The following ACTR3C variants were observed in gnomAD, a reference collection of about 807,000 sequenced individuals.
ACTR3C encodes the protein actin-related protein 3C.
Under a neutral mutation model 26.3 loss-of-function variants are expected in ACTR3C, and 18 were observed. The ratio of observed to expected loss-of-function variants is 0.68; its 90% CI spans 0.47 to 1.01. The LOEUF is 1.01. ACTR3C is among the 50% of genes least tolerant of loss of function. ACTR3C has a pLI of 0.00. For synonymous variants in ACTR3C, 55 were observed against 94.5 expected (o/e 0.58, Z 2.42); for missense variants, 184 against 250.7 (o/e 0.73, Z 1.80).
the ACTR3C span, among the ~76,000 whole-genome samples, chr7:150,086,968 G>C: frequency 6.6e-6 from 1 of 152,102 alleles, no homozygotes; most frequent in African/African-American, 2.4e-5. Context: ...AAGAAAGTAG[G>C]CTCAAAATTA....
the ACTR3C span, among the ~76,000 whole-genome samples, chr7:150,033,561 G>A: frequency 3.3e-5 from 5 of 152,120 alleles, no homozygotes; most frequent in Non-Finnish European, 5.9e-5. Flanking sequence ...AGCCAGGGGT[G>A]GAAGAGGGGC....
At chr7:150,085,670 A>C in the ACTR3C span, among the ~76,000 whole-genome samples, 2 of 152,142 alleles carry the variant, frequency 1.3e-5, no homozygotes, top group African/African-American at 4.8e-5. Flanking sequence ...TGCCTGGATG[A>C]AAAATTGGAT....
At chr7:150,126,589 G>T in the ACTR3C span, among the ~76,000 whole-genome samples, 2 of 152,166 alleles carry the variant, frequency 1.3e-5, no homozygotes, top group Non-Finnish European at 2.9e-5. Flanking sequence ...TACTACAAAA[G>T]GTGCAAGTGG....
chr7:150,099,452 CTCCTGTGTT>C, the ACTR3C span, among the ~76,000 whole-genome samples: 1 of 151,318 alleles, frequency 6.6e-6, no homozygotes, highest in Non-Finnish European at 1.5e-5. Context: ...TCACAGTGTT[CTCCTGTGTT>C]TCCAGAATCT....
At chr7:150,228,895 T>G in the ACTR3C span, among the ~76,000 whole-genome samples, 1,149 of 135,388 alleles carry the variant, frequency 8.5e-3, 12 homozygotes, top group African/African-American at 0.035. Flanking sequence ...TGTATATATA[T>G]ATAGAGAGAG....
the ACTR3C span, among the ~76,000 whole-genome samples, chr7:150,047,265 G>A: frequency 2.0e-5 from 3 of 152,106 alleles, no homozygotes; most frequent in Non-Finnish European, 2.9e-5. Context: ...CAGGCCGATC[G>A]AATTCTCTCC....
the ACTR3C span, among the ~76,000 whole-genome samples, chr7:150,222,562 C>T: frequency 6.6e-6 from 1 of 152,170 alleles, no homozygotes; most frequent in Non-Finnish European, 1.5e-5. Flanking sequence ...TCTGTGATTA[C>T]TTGTGTATTT....
the ACTR3C span, among the ~76,000 whole-genome samples, chr7:149,944,264 GAAGTT>G: frequency 2.0e-5 from 3 of 152,002 alleles, no homozygotes; most frequent in African/African-American, 7.3e-5. Flanking sequence ...TGAGGGAACT[GAAGTT>G]AAGAGGTTTT....
At chr7:150,108,341 G>A in the ACTR3C span, among the ~76,000 whole-genome samples, 1 of 151,018 alleles carries the variant, frequency 6.6e-6, no homozygotes, top group African/African-American at 2.5e-5. Flanking sequence ...AAAATCAGAA[G>A]TCAGGAATAG....
the ACTR3C span, among the ~76,000 whole-genome samples, chr7:150,219,114 T>A: frequency 1.3e-5 from 2 of 149,450 alleles, no homozygotes; most frequent in African/African-American, 2.6e-5. Flanking sequence ...AAACAAGAAT[T>A]CCTTTATCTG....
rs771947597 is a variant in ACTR3C, at chr7:150,289,561, T to G, written c.186A>C (p.Lys62Asn). The change falls in exon 4 of 8, where the codon AAA (lysine) becomes AAC (asparagine). Residue 62 changes from lysine (K) to asparagine (N), a missense_variant. Physicochemically the swap from Lys to Asn is moderately conservative, Grantham distance 94. Transcript: ENST00000683684. ...TATCTCTACCTGCAATCGGGATGTG[T>G]TTGATGCAGCTTCCAATTACATAAC... is the stretch of plus-strand genomic sequence containing the variant. ...AEGYVIGSCI[K>N]HIPIAGRDIT... 1.9e-6 allele frequency: 3 copies of G among 1,596,428 alleles called. No homozygotes were observed. Among genetic ancestry groups the G allele is most frequent in the Non-Finnish European group, 1.7e-6 (2 of 1,170,406 alleles).
the ACTR3C span, among the ~76,000 whole-genome samples, chr7:149,995,216 G>C: frequency 6.6e-6 from 1 of 151,994 alleles, no homozygotes; most frequent in Non-Finnish European, 1.5e-5. Flanking sequence ...GGATTTTTTT[G>C]CCTGCATATT....
the ACTR3C span, among the ~76,000 whole-genome samples, chr7:149,929,487 TGAA>T: frequency 6.8e-6 from 1 of 146,760 alleles, no homozygotes; most frequent in Non-Finnish European, 1.5e-5. Flanking sequence ...GGGTGAAAGT[TGAA>T]GAATAGAGTA....
chr7:150,092,998 G>A, the ACTR3C span, among the ~76,000 whole-genome samples: 1 of 151,552 alleles, frequency 6.6e-6, no homozygotes. Context: ...TTGAGATGTA[G>A]GGAGCGTTGG....
downstream of ACTR3C, chr7:150,245,522 A>T (rs922153770): frequency 6.6e-6 from 1 of 152,160 alleles, no homozygotes; most frequent in Non-Finnish European, 1.5e-5. Context: ...CATGGAGGGG[A>T]TTTTCATCTC....
chr7:150,098,815 G>A, the ACTR3C span, among the ~76,000 whole-genome samples: 7 of 151,800 alleles, frequency 4.6e-5, no homozygotes, highest in Admixed American at 1.3e-4. Flanking sequence ...GGAAACAATC[G>A]TCAGTATCTG....
At chr7:150,273,900 C>G (rs1834646442) in intron 6 of ACTR3C, among the ~76,000 whole-genome samples, 1 of 152,172 alleles carries the variant, frequency 6.6e-6, no homozygotes, top group African/African-American at 2.4e-5. Context: ...GAGCGCAAAG[C>G]CCCCAGGCCC....
chr7:150,128,937 T>G, the ACTR3C span, among the ~76,000 whole-genome samples: 1 of 150,868 alleles, frequency 6.6e-6, no homozygotes, highest in Non-Finnish European at 1.5e-5. Flanking sequence ...GAGATTGAGA[T>G]AAGACCTGGT....
the ACTR3C span, among the ~76,000 whole-genome samples, chr7:150,232,947 T>C: frequency 5.9e-5 from 9 of 152,192 alleles, no homozygotes; most frequent in African/African-American, 2.2e-4. Context: ...ACTTCACTAA[T>C]CATATGATAC....
Sources: gnomAD v4.1 joint callset for allele counts (sites outside exome capture counted in the v4.1 genomes callset) on GRCh38, gnomAD v4.1.1 for gene constraint, MANE v1.5 for transcripts, NCBI Gene and HGNC (gene_info 2026-07-23, HGNC 2026-07-21) for gene names.